The following LAYN variants were observed in gnomAD, a reference collection of about 807,000 sequenced individuals.
LAYN encodes layilin.
A neutral mutation model predicts 43.6 loss-of-function variants in LAYN; 38 were observed. That is an observed-to-expected ratio of 0.87 (90% confidence interval 0.67 to 1.14). LAYN has a LOEUF of 1.14. Among genes scored for constraint, LAYN ranks in the 50% most tolerant of loss-of-function variants. The pLI, the probability that LAYN is intolerant of heterozygous loss-of-function variation, is 0.00. For synonymous variants in LAYN, 168 were observed against 172.9 expected (o/e 0.97, Z 0.22); for missense variants, 479 against 463.8 (o/e 1.03, Z -0.30).
intron 2 of LAYN, among the ~76,000 whole-genome samples, chr11:111,548,044 A>G (rs888659659): frequency 4.6e-5 from 7 of 152,220 alleles, no homozygotes; most frequent in Admixed American, 3.9e-4. Flanking sequence ...GGGAATGATG[A>G]CTGGCTGGGT....
In LAYN at chr11:111,560,676, T is replaced by G; in HGVS notation, c.*218T>G. ...CAGCTCGACCTTATGAGAAGGTACC[T>G]TGCCCAGGTCTGGCACATAGTAGAG... On this transcript the variant is annotated 3_prime_UTR_variant, in exon 7 of 7. Coordinates refer to ENST00000375614, the MANE Select transcript of LAYN (RefSeq NM_178834.5). The G allele has an allele frequency of 1.8e-6, 1 of 544,698 alleles. No homozygotes were observed. The highest frequency in any genetic ancestry group is 3.2e-6 in the Non-Finnish European group (1 of 307,730). 33.7% of individuals were successfully genotyped at this position (544,698 alleles called of 1,614,324 possible). A position where few individuals can be genotyped will look rare whatever the true frequency, so the allele number is the denominator to read the frequency against.
intron 1 of LAYN, among the ~76,000 whole-genome samples, chr11:111,542,160 T>C (rs1271541770): frequency 1.3e-5 from 2 of 152,250 alleles, no homozygotes; most frequent in East Asian, 3.8e-4. Flanking sequence ...GCCCCTCCTC[T>C]GCTGCCCAAT....
rs764266116 is a variant in LAYN, at chr11:111,560,207, G to T, written c.874G>T (p.Glu292Ter). 1 of 1,614,206 alleles carries T rather than the reference G, an allele frequency of 6.2e-7. No homozygotes were observed. The highest frequency in any genetic ancestry group is 8.5e-7 in the Non-Finnish European group (1 of 1,180,022). ...CTACAATGTCATAAGAAAACAAAGCGAAGCTGACTTAGCTGAGACCCGGCC... is the reference window on the plus strand; with the variant it reads ...CTACAATGTCATAAGAAAACAAAGCTAAGCTGACTTAGCTGAGACCCGGCC... ...EVYNVIRKQS[E>*]ADLAETRPDL... Residue 292 changes from glutamate to a stop codon, truncating the protein, a stop_gained, in exon 7 of 7, where the codon GAA (glutamate) becomes TAA (stop). Transcript: ENST00000375614. LOFTEE classifies it high-confidence loss of function.
chr11:111,540,779 T>C lies in LAYN; in HGVS notation c.-65T>C. 1.4e-6 allele frequency: 2 copies of C among 1,463,234 alleles called. No homozygotes were observed. The highest frequency in any genetic ancestry group is 2.2e-5 in the Admixed American group (1 of 46,268). 90.6% of individuals were successfully genotyped at this position (1,463,234 alleles called of 1,614,324 possible). A position where few individuals can be genotyped will look rare whatever the true frequency, so the allele number is the denominator to read the frequency against. On this transcript the variant is annotated 5_prime_UTR_variant, in exon 1 of 7. Transcript: ENST00000375614. ...CGCGGTTGCAGTTGTCGCGCACGCCTCTGCCCGCCAGCCCGCTCCACCGCC... is the reference window on the plus strand; with the variant it reads ...CGCGGTTGCAGTTGTCGCGCACGCCCCTGCCCGCCAGCCCGCTCCACCGCC...
chr11:111,560,626 G>A lies in LAYN; in HGVS notation c.*168G>A. On this transcript the variant is annotated 3_prime_UTR_variant, in exon 7 of 7. Transcript: ENST00000375614. The stretch of plus-strand genomic sequence containing the variant: ...CCTGTTGGACCCCCACGTTTTGGCT[G>A]TATCCTTTATCCCAGCCAGTCATCC... 5 of 730,150 alleles carry A rather than the reference G, an allele frequency of 6.8e-6. No homozygotes were observed. Among genetic ancestry groups the A allele is most frequent in the Admixed American group, 3.0e-5 (1 of 33,454 alleles). The allele number at this position is 730,150 out of a possible 1,614,324, so 45.2% of individuals were successfully genotyped here.
intron 6 of LAYN, among the ~76,000 whole-genome samples, chr11:111,558,098 C>T (rs1051965822): frequency 6.6e-6 from 1 of 152,206 alleles, no homozygotes; most frequent in African/African-American, 2.4e-5. Flanking sequence ...TTCCTTTTAA[C>T]TGACTTTTCT....
intron 1 of LAYN, 113 bp from the exon 2 acceptor site, chr11:111,543,810 G>A (rs1284993277): frequency 1.1e-6 from 1 of 884,690 alleles, no homozygotes; most frequent in East Asian, 2.5e-5. Context: ...ACAGTCTACT[G>A]ATGTGTAACC....
At chr11:111,547,188 G>A (rs982871665) in intron 2 of LAYN, among the ~76,000 whole-genome samples, 1 of 152,186 alleles carries the variant, frequency 6.6e-6, no homozygotes, top group Non-Finnish European at 1.5e-5. Flanking sequence ...AGATGCAATA[G>A]TTTGTTCTTC....
chr11:111,557,963 C>G (rs541586623), intron 6 of LAYN, among the ~76,000 whole-genome samples: 2 of 152,336 alleles, frequency 1.3e-5, no homozygotes, highest in East Asian at 3.9e-4. Context: ...TGTATGCCCT[C>G]ACTCTGAAAA....
intron 3 of LAYN, among the ~76,000 whole-genome samples, chr11:111,553,690 T>A (rs1019828963): frequency 1.3e-5 from 2 of 149,452 alleles, no homozygotes; most frequent in African/African-American, 4.9e-5. Flanking sequence ...TGGGTTTTTT[T>A]AAATAAATGG....
chr11:111,560,659 C>T lies in LAYN; in HGVS notation c.*201C>T. 1 of 582,618 alleles carries T rather than the reference C, an allele frequency of 1.7e-6. No individual in the cohort carries two copies. The highest frequency in any genetic ancestry group is 3.0e-6 in the Non-Finnish European group (1 of 335,180). The allele number at this position is 582,618 out of a possible 1,614,324, so 36.1% of individuals were successfully genotyped here. A position where few individuals can be genotyped will look rare whatever the true frequency, so the allele number is the denominator to read the frequency against. ...TATCCCAGCCAGTCATCCAGCTCGACCTTATGAGAAGGTACCTTGCCCAGG... is the reference window on the plus strand; with the variant it reads ...TATCCCAGCCAGTCATCCAGCTCGATCTTATGAGAAGGTACCTTGCCCAGG... On this transcript the variant is annotated 3_prime_UTR_variant, in exon 7 of 7. Coordinates refer to ENST00000375614, the MANE Select transcript of LAYN (RefSeq NM_178834.5).
chr11:111,554,662 C>A, intron 4 of LAYN, 69 bp downstream of exon 4: 1 of 1,352,002 alleles, frequency 7.4e-7, no homozygotes, highest in Non-Finnish European at 1.1e-6. Flanking sequence ...GGTTTAAAGC[C>A]CTATGTCCTT....
Position 111,560,518 on chromosome 11 carries a change from A to G in LAYN, c.*60A>G. Reference sequence around the variant, plus strand: ...AAGAAATGATAAGCAAAATCCTCTTATTTTCTATAAGGAAAATACACAGAA... The same window carrying G: ...AAGAAATGATAAGCAAAATCCTCTTGTTTTCTATAAGGAAAATACACAGAA... On this transcript the variant is annotated 3_prime_UTR_variant, in exon 7 of 7. Coordinates refer to ENST00000375614, the MANE Select transcript of LAYN (RefSeq NM_178834.5). 1 of 1,518,070 alleles carries G rather than the reference A, an allele frequency of 6.6e-7. No homozygotes were observed. Among genetic ancestry groups the G allele is most frequent in the Non-Finnish European group, 8.9e-7 (1 of 1,124,492 alleles). The allele number at this position is 1,518,070 out of a possible 1,614,324, so 94.0% of individuals were successfully genotyped here. A position where few individuals can be genotyped will look rare whatever the true frequency, so the allele number is the denominator to read the frequency against.
chr11:111,561,594 A>G lies in LAYN; in HGVS notation c.*1136A>G, dbSNP rs560190087. 2.0e-5 allele frequency: 3 copies of G among 152,308 alleles called. No individual in the cohort carries two copies. The highest frequency in any genetic ancestry group is 7.2e-5 in the African/African-American group (3 of 41,550). The allele number at this position is 152,308 out of a possible 1,614,324, so 9.4% of individuals were successfully genotyped here. A position where few individuals can be genotyped will look rare whatever the true frequency, so the allele number is the denominator to read the frequency against. The stretch of plus-strand genomic sequence containing the variant: ...AGTTTCTCAGCCCAGCATCAATCAT[A>G]TACACATTGGAGGTCTGAAAGCCAT... On this transcript the variant is annotated 3_prime_UTR_variant, in exon 7 of 7. Transcript: ENST00000375614.
At chr11:111,553,549 G>T (rs1171606389) in intron 3 of LAYN, among the ~76,000 whole-genome samples, 1 of 151,672 alleles carries the variant, frequency 6.6e-6, no homozygotes, top group Non-Finnish European at 1.5e-5. Context: ...AACCCGGGAG[G>T]CGGAGGTTGC....
intron 2 of LAYN, among the ~76,000 whole-genome samples, chr11:111,546,162 C>T (rs1282997407): frequency 6.6e-6 from 1 of 152,126 alleles, no homozygotes; most frequent in Non-Finnish European, 1.5e-5. Context: ...AGTGCCTCTT[C>T]TAAGTAGATG....
Position 111,553,222 on chromosome 11 carries a change from G to T in LAYN, c.542-1339G>T, listed in dbSNP as rs78611726. On this transcript the variant is annotated intron_variant, in intron 3 of 6. Transcript: ENST00000375614. ...CGCGCCACTGGACTCTAGCCTGGGC[G>T]ACAGACTGAGACTCCATCTCAAAAA... 6.0e-3 allele frequency among the ~76,000 whole-genome samples: 916 copies of T among 152,092 alleles called. 5 individuals carry two copies. The highest frequency in any genetic ancestry group is 0.021 in the African/African-American group (881 of 41,442).
intron 1 of LAYN, 114 bp downstream of exon 1, chr11:111,541,042 C>G: frequency 1.1e-6 from 1 of 938,220 alleles, no homozygotes; most frequent in Non-Finnish European, 1.6e-6. Context: ...GTCCCATGCC[C>G]CACTCCCAGA....
chr11:111,540,579 T>C (rs1867510266), upstream of LAYN: 39 of 488,806 alleles, frequency 8.0e-5, no homozygotes, highest in South Asian at 1.0e-3. Context: ...CGCCCCTCTC[T>C]GGCTGGCCGA....
Sources: allele counts gnomAD v4.1 joint callset (sites outside exome capture counted in the v4.1 genomes callset), GRCh38; gene constraint gnomAD v4.1.1; transcripts MANE v1.5; gene names NCBI Gene and HGNC (gene_info 2026-07-23, HGNC 2026-07-21).